Variants in NADK observed in about 807,000 individuals in gnomAD.
NADK encodes NAD kinase, also known as poly(P)/ATP NAD kinase.
A neutral mutation model predicts 49.8 loss-of-function variants in NADK; 22 were observed. The ratio of observed to expected loss-of-function variants is 0.44; its 90% CI spans 0.32 to 0.63. The LOEUF is 0.63. NADK is among the 30% of genes least tolerant of loss of function. The pLI, the probability that NADK is intolerant of heterozygous loss-of-function variation, is 0.06. For synonymous variants in NADK, 268 were observed against 253.7 expected (o/e 1.06, Z -0.54); for missense variants, 438 against 609.4 (o/e 0.72, Z 2.96).
intron 1 of NADK, among the ~76,000 whole-genome samples, chr1:1,777,409 A>G (rs1646244159): frequency 6.6e-6 from 1 of 152,218 alleles, no homozygotes; most frequent in Admixed American, 6.5e-5. Flanking sequence ...AAAACTTATT[A>G]AGGCAAACAT....
chr1:1,754,004 G>C lies in NADK; in HGVS notation c.1101+47C>G, dbSNP rs1428753623. 1 of 1,531,284 alleles carries C rather than the reference G, an allele frequency of 6.5e-7. No individual in the cohort carries two copies. Among genetic ancestry groups the C allele is most frequent in the Non-Finnish European group, 8.8e-7 (1 of 1,142,322 alleles). 94.9% of individuals were successfully genotyped at this position (1,531,284 alleles called of 1,614,324 possible). On this transcript the variant is annotated intron_variant, in intron 10 of 11. Transcript: ENST00000341426. This position sits in a 1 kb window ranked among gnomAD's most constrained non-coding sequence, Gnocchi z 4.3. Reference sequence around the variant, plus strand: ...CTAGGTCCCGGCTTTGTGTTGCACGGGGTCAAATGACTCACAAACCGGAAA... The same window carrying C: ...CTAGGTCCCGGCTTTGTGTTGCACGCGGTCAAATGACTCACAAACCGGAAA...
At chr1:1,753,699 C>G in intron 10 of NADK, 50 bp from the exon 11 acceptor site, 1 of 1,501,006 alleles carries the variant, frequency 6.7e-7, no homozygotes, top group Non-Finnish European at 9.1e-7. Flanking sequence ...GGGGAGGACG[C>G]TTCTAGGCAC....
At chr1:1,762,732 G>C (rs1645765361) in intron 2 of NADK, among the ~76,000 whole-genome samples, 1 of 151,960 alleles carries the variant, frequency 6.6e-6, no homozygotes. Context: ...ACTCCAGCCT[G>C]GCTGAAAAAA....
intron 1 of NADK, among the ~76,000 whole-genome samples, chr1:1,775,548 G>A (rs1471459284): frequency 6.6e-6 from 1 of 152,176 alleles, no homozygotes; most frequent in African/African-American, 2.4e-5. Context: ...TTCACCCTGT[G>A]ACCTCATTAA....
chr1:1,759,908 AG>A (rs1329269022), intron 3 of NADK: 3 of 1,550,572 alleles, frequency 1.9e-6, no homozygotes, highest in Middle Eastern at 3.3e-4. Context: ...TGGCTCTGCC[AG>A]GACCAGGAAG....
At position 1,757,324 on chromosome 1, in the gene NADK, G is replaced by GA. The variant is rs762105391; in HGVS notation, c.264-15dup. The GA allele has an allele frequency of 1.5e-5, 24 of 1,607,982 alleles. No individual in the cohort carries two copies. The highest frequency in any genetic ancestry group is 1.9e-5 in the Non-Finnish European group (22 of 1,175,384). ...TCCTGAATGTGCCTTTAGGGGAGGA[G>GA]AAAAGAGTTCACACCAGCTGCGATC... On this transcript the variant is annotated splice_polypyrimidine_tract_variant and intron_variant, in intron 3 of 11. Coordinates refer to ENST00000341426, the MANE Select transcript of NADK (RefSeq NM_023018.5).
chr1:1,758,702 G>T, intron 3 of NADK: 1 of 1,372,346 alleles, frequency 7.3e-7, no homozygotes, highest in Non-Finnish European at 9.5e-7. Context: ...TTTCCTCATT[G>T]GTCACATGGT....
chr1:1,758,014 G>A (rs895645413), intron 3 of NADK, among the ~76,000 whole-genome samples: 6 of 152,156 alleles, frequency 3.9e-5, no homozygotes, highest in Non-Finnish European at 5.9e-5. Flanking sequence ...CCATTACCAC[G>A]TTAGTCACAG....
intron 1 of NADK, among the ~76,000 whole-genome samples, chr1:1,777,754 G>A (rs1284068408): frequency 6.6e-6 from 1 of 152,114 alleles, no homozygotes; most frequent in Non-Finnish European, 1.5e-5. Flanking sequence ...CTGACCTACT[G>A]GATGGCAGCC....
chr1:1,777,374 G>C (rs905082226), intron 1 of NADK, among the ~76,000 whole-genome samples: 1 of 152,028 alleles, frequency 6.6e-6, no homozygotes, highest in Admixed American at 6.6e-5. Flanking sequence ...TAGCTTCTTA[G>C]ACAAGATGAC....
intron 1 of NADK, among the ~76,000 whole-genome samples, chr1:1,770,699 C>T (rs547442530): frequency 1.3e-5 from 2 of 151,352 alleles, no homozygotes; most frequent in African/African-American, 4.9e-5. Context: ...ACCACTGCAC[C>T]CCAGCCTGGG....
At chr1:1,757,902 G>C (rs1354696616) in intron 3 of NADK, among the ~76,000 whole-genome samples, 1 of 152,136 alleles carries the variant, frequency 6.6e-6, no homozygotes, top group East Asian at 1.9e-4. Flanking sequence ...AGGTTTAAAA[G>C]TCCGTGGCAG....
chr1:1,774,970 G>A (rs1332446139), intron 1 of NADK, among the ~76,000 whole-genome samples: 18 of 151,942 alleles, frequency 1.2e-4, no homozygotes, highest in African/African-American at 3.9e-4. Context: ...TTAGCTGGGC[G>A]CGGTGGCAGG....
chr1:1,758,797 G>A (rs899573016), intron 3 of NADK, among the ~76,000 whole-genome samples: 10 of 152,292 alleles, frequency 6.6e-5, no homozygotes, highest in South Asian at 2.1e-4. Flanking sequence ...TAACTGAGCC[G>A]GGTGGGACCA....
At chr1:1,773,727 TGTGA>T (rs1247046249) in intron 1 of NADK, among the ~76,000 whole-genome samples, 51 of 130,860 alleles carry the variant, frequency 3.9e-4, no homozygotes, top group African/African-American at 1.2e-3. Flanking sequence ...TGTGTGTGTG[TGTGA>T]GAGAGAGAGA....
chr1:1,756,955 G>T, intron 4 of NADK: 1 of 846,508 alleles, frequency 1.2e-6, no homozygotes. Context: ...GGCCTCCAGG[G>T]CCACGAGCCC....
At chr1:1,764,152 A>G (rs1238307361) in intron 2 of NADK, among the ~76,000 whole-genome samples, 1 of 152,194 alleles carries the variant, frequency 6.6e-6, no homozygotes, top group South Asian at 2.1e-4. Flanking sequence ...ACCACGTCAG[A>G]GGCGCTACAG....
chr1:1,759,545 C>T (rs905568439), intron 3 of NADK, among the ~76,000 whole-genome samples: 20 of 152,352 alleles, frequency 1.3e-4, no homozygotes, highest in African/African-American at 4.1e-4. Context: ...TCACCAGGCG[C>T]CCCCACAGGG....
intron 11 of NADK, 34 bp downstream of exon 11, chr1:1,753,533 G>C: frequency 6.3e-7 from 1 of 1,586,132 alleles, no homozygotes; most frequent in African/African-American, 1.3e-5. Context: ...GAGGAGGTTG[G>C]CAGGCAGCGC....
Sources: gnomAD v4.1 joint callset for allele counts (sites outside exome capture counted in the v4.1 genomes callset) on GRCh38, gnomAD v4.1.1 for gene constraint, Gnocchi (gnomAD v3.1) non-coding constraint, MANE v1.5 for transcripts, NCBI Gene and HGNC (gene_info 2026-07-23, HGNC 2026-07-21) for gene names.